Variants in OSBPL3 observed in about 807,000 individuals in gnomAD.
The protein encoded by OSBPL3 is oxysterol binding protein like 3.
Under a neutral mutation model 120.1 loss-of-function variants are expected in OSBPL3, and 65 were observed. The ratio of observed to expected loss-of-function variants is 0.54; its 90% confidence interval spans 0.44 to 0.67. The LOEUF (loss-of-function observed/expected upper bound fraction) is 0.67. OSBPL3 is among the 30% of genes least tolerant of loss of function. The pLI, the probability that OSBPL3 is intolerant of heterozygous loss-of-function variation, is 0.00. For missense variants in OSBPL3, 1,004 were observed against 1,082.1 expected (o/e 0.93, Z 1.01); for synonymous variants, 416 against 402.6 (o/e 1.03, Z -0.40).
Position 24,835,648 on chromosome 7 carries a change from G to C in OSBPL3, c.1496-912C>G, listed in dbSNP as rs1796906698. Among the ~76,000 whole-genome samples, 1 of 152,020 alleles carries C rather than the reference G, an allele frequency of 6.6e-6. No individual in the cohort carries two copies. Among genetic ancestry groups the C allele is most frequent in the Non-Finnish European group, 1.5e-5 (1 of 68,014 alleles). On this transcript the variant is annotated intron_variant, in intron 14 of 22. Transcript: ENST00000313367. The surrounding 1 kb of genome is among the most constrained non-coding windows in gnomAD (Gnocchi z 4.8). ...TCACAGCACTATTCCCAACAGCAAA[G>C]ACATGGAATCAATTTAAATGCCCAT...
rs532895043 is a variant in OSBPL3 at position 24,968,108 on chromosome 7, C to T, written c.-150+11778G>A. Among the ~76,000 whole-genome samples, 15 of 152,166 alleles carry T rather than the reference C, an allele frequency of 9.9e-5. No homozygotes were observed. Among genetic ancestry groups the T allele is most frequent in the Non-Finnish European group, 1.9e-4 (13 of 68,018 alleles). On this transcript the variant is annotated intron_variant, in intron 1 of 22. Transcript: ENST00000313367. This position sits in a 1 kb window ranked among gnomAD's most constrained non-coding sequence, Gnocchi z 4.6. ...TCAACTTCACACCTATCCTGCCTTCCGTTACCCCTTCCTAGGACAGTCTGA... is the reference window on the plus strand; with the variant it reads ...TCAACTTCACACCTATCCTGCCTTCTGTTACCCCTTCCTAGGACAGTCTGA...
rs1263162011 is a variant in OSBPL3 at position 24,827,666 on chromosome 7, C to T, written c.1884+3102G>A. Among the ~76,000 whole-genome samples the T allele has an allele frequency of 6.6e-6, 1 of 152,202 alleles. No homozygotes were observed. Among genetic ancestry groups the T allele is most frequent in the Non-Finnish European group, 1.5e-5 (1 of 68,020 alleles). ...TTTATATACATCAGTCTCTTGTAAG[C>T]TTAGTGTGAATTTATCCCTGAGAGA... On this transcript the variant is annotated intron_variant, in intron 16 of 22. Coordinates refer to ENST00000313367, the MANE Select transcript of OSBPL3 (RefSeq NM_015550.4). This position sits in a 1 kb window ranked among gnomAD's most constrained non-coding sequence, Gnocchi z 5.1.
intron 2 of OSBPL3, among the ~76,000 whole-genome samples, chr7:24,889,485 G>A (rs1445212127): frequency 6.6e-6 from 1 of 152,020 alleles, no homozygotes; most frequent in Non-Finnish European, 1.5e-5. Flanking sequence ...GGGGTGATGG[G>A]TATATTAGCT....
At position 24,834,690 on chromosome 7, in the gene OSBPL3, C is replaced by T. The variant is rs781051262; in HGVS notation, c.1542G>A (p.Thr514=). 7 of 1,613,590 alleles carry T rather than the reference C, an allele frequency of 4.3e-6. No individual in the cohort carries two copies. Among genetic ancestry groups the T allele is most frequent in the South Asian group, 3.3e-5 (3 of 91,052 alleles). The change falls in exon 15 of 23, where the codon ACG becomes ACA. Residue 514 remains threonine, a synonymous_variant. Transcript: ENST00000313367. The surrounding 1 kb of genome is among the most constrained non-coding windows in gnomAD (Gnocchi z 5.2). ...SGREAKSRRR[T]CLPAPCPSSS... Reference sequence around the variant, plus strand: ...TGCTCGGGCAGGGCGCCGGCAGGCACGTTCTTCTCCGGGACTTCGCTTCCC... The same window carrying T: ...TGCTCGGGCAGGGCGCCGGCAGGCATGTTCTTCTCCGGGACTTCGCTTCCC...
intron 1 of OSBPL3, among the ~76,000 whole-genome samples, chr7:24,957,447 C>A (rs907662345): frequency 6.6e-6 from 1 of 152,102 alleles, no homozygotes. Flanking sequence ...CTAGGTTGAA[C>A]AGCTGAAATT....
At chr7:24,825,007 A>T (rs1795536616) in intron 16 of OSBPL3, among the ~76,000 whole-genome samples, 1 of 152,178 alleles carries the variant, frequency 6.6e-6, no homozygotes, top group Non-Finnish European at 1.5e-5. Flanking sequence ...GAGGTGGGGT[A>T]AGTAGGAGAA....
intron 9 of OSBPL3, 113 bp from the exon 10 acceptor site, chr7:24,861,882 G>GT: frequency 6.8e-6 from 4 of 592,334 alleles, no homozygotes; most frequent in South Asian, 3.2e-5. Flanking sequence ...TTATAGGTAG[G>GT]TCTTTTTTTT....
intron 1 of OSBPL3, among the ~76,000 whole-genome samples, chr7:24,914,870 C>A (rs1367763886): frequency 6.6e-6 from 1 of 152,154 alleles, no homozygotes; most frequent in African/African-American, 2.4e-5. Context: ...AAGGACCAGA[C>A]CCTCCAGCTC....
chr7:24,917,356 T>C (rs1809715451), intron 1 of OSBPL3, among the ~76,000 whole-genome samples: 1 of 142,432 alleles, frequency 7.0e-6, no homozygotes, highest in African/African-American at 2.6e-5. Context: ...CAAATATTGA[T>C]ATCCTGGAGC....
chr7:24,917,405 T>TATATATATATATATATATATTTGTAAC (rs1584615176), intron 1 of OSBPL3, among the ~76,000 whole-genome samples: 5 of 90,250 alleles, frequency 5.5e-5, no homozygotes, highest in Non-Finnish European at 8.4e-5. Context: ...TTGTAACATA[T>TATATATATATATATATATATTTGTAAC]ATATATATAT....
At chr7:24,832,131 CAGGAGG>C in intron 15 of OSBPL3, among the ~76,000 whole-genome samples, 1 of 147,682 alleles carries the variant, frequency 6.8e-6, no homozygotes, top group African/African-American at 2.5e-5. Context: ...TGATTGAGCC[CAGGAGG>C]TCGAGGCTGC....
At chr7:24,944,076 TAAAAAAA>T (rs70942898) in intron 1 of OSBPL3, among the ~76,000 whole-genome samples, 1 of 118,696 alleles carries the variant, frequency 8.4e-6, no homozygotes, top group East Asian at 2.8e-4. Context: ...CAGTCTAAAG[TAAAAAAA>T]AAAAAAAAAA....
chr7:24,978,752 ACT>A (rs924122965), intron 1 of OSBPL3, among the ~76,000 whole-genome samples: 3 of 152,048 alleles, frequency 2.0e-5, no homozygotes, highest in Admixed American at 6.6e-5. Flanking sequence ...CAATACTCAA[ACT>A]CTGAGGGTCA....
At position 24,830,169 on chromosome 7, in the gene OSBPL3, C is replaced by T. The variant is rs896855578; in HGVS notation, c.1884+599G>A. 6.6e-6 allele frequency among the ~76,000 whole-genome samples: 1 copy of T among 152,142 alleles called. No homozygotes were observed. Among genetic ancestry groups the T allele is most frequent in the Non-Finnish European group, 1.5e-5 (1 of 68,032 alleles). ...TTCTATGGCAAGAGTGTGATGGAAC[C>T]TTAGGCTGCATGAGTACAAGGTTGT... is the stretch of plus-strand genomic sequence containing the variant. On this transcript the variant is annotated intron_variant, in intron 16 of 22. Transcript: ENST00000313367. The surrounding 1 kb of genome is among the most constrained non-coding windows in gnomAD (Gnocchi z 4.4).
intron 1 of OSBPL3, among the ~76,000 whole-genome samples, chr7:24,960,708 TC>T (rs1815626229): frequency 6.6e-6 from 1 of 152,170 alleles, no homozygotes; most frequent in Non-Finnish European, 1.5e-5. Context: ...AGGGGTGACT[TC>T]ACAGCCAACT....
Position 24,963,947 on chromosome 7 carries a change from T to C in OSBPL3, c.-150+15939A>G, listed in dbSNP as rs146772613. On this transcript the variant is annotated intron_variant, in intron 1 of 22. Transcript: ENST00000313367. The stretch of plus-strand genomic sequence containing the variant: ...GTAGTGCCGAAAAGAAAGGACATGC[T>C]AAAAAAAAATCCACAAGGATGGACT... 1.8e-4 allele frequency among the ~76,000 whole-genome samples: 27 copies of C among 150,896 alleles called. No homozygotes were observed. In the East Asian group the frequency reaches 4.9e-3, roughly 27 times the overall value.
intron 1 of OSBPL3, among the ~76,000 whole-genome samples, chr7:24,969,082 G>C (rs115950374): frequency 6.6e-6 from 1 of 152,164 alleles, no homozygotes; most frequent in Non-Finnish European, 1.5e-5. Context: ...CCAATGGCTC[G>C]CTACAGTTTG....
Position 24,938,939 on chromosome 7 carries a change from T to G in OSBPL3, c.-150+40947A>C, listed in dbSNP as rs1333534569. ...ACATTATTTGACATAGTAAATGATG[T>G]GATTAATTAAGATGCAGAACACAAG... On this transcript the variant is annotated intron_variant, in intron 1 of 22. Coordinates refer to ENST00000313367, the MANE Select transcript of OSBPL3 (RefSeq NM_015550.4). The surrounding 1 kb of genome is among the most constrained non-coding windows in gnomAD (Gnocchi z 5.8). 6.6e-6 allele frequency among the ~76,000 whole-genome samples: 1 copy of G among 151,508 alleles called. No individual in the cohort carries two copies. The highest frequency in any genetic ancestry group is 1.5e-5 in the Non-Finnish European group (1 of 67,934).
At chr7:24,874,425 A>T (rs1203903079) in intron 2 of OSBPL3, among the ~76,000 whole-genome samples, 1 of 152,230 alleles carries the variant, frequency 6.6e-6, no homozygotes, top group Non-Finnish European at 1.5e-5. Context: ...GCACAATGCA[A>T]ATACCAAGAG....
Sources: gnomAD v4.1 joint callset for allele counts (sites outside exome capture counted in the v4.1 genomes callset) on GRCh38, gnomAD v4.1.1 for gene constraint, Gnocchi (gnomAD v3.1) non-coding constraint, MANE v1.5 for transcripts, NCBI Gene and HGNC (gene_info 2026-07-23, HGNC 2026-07-21) for gene names.